The following NPR3 variants were observed in gnomAD, a reference collection of about 807,000 sequenced individuals.
NPR3 encodes the protein natriuretic peptide receptor 3.
Under a neutral mutation model 54.5 loss-of-function variants are expected in NPR3, and 34 were observed. That is an observed-to-expected ratio of 0.62 (90% CI 0.47 to 0.83). The LOEUF is 0.83. Among genes scored for constraint, NPR3 ranks in the 40% least tolerant of loss-of-function variants. The pLI is 0.00. For synonymous variants in NPR3, 289 were observed against 297.1 expected (o/e 0.97, Z 0.28); for missense variants, 674 against 720.8 (o/e 0.94, Z 0.74).
intron 1 of NPR3, among the ~76,000 whole-genome samples, chr5:32,723,214 T>C (rs752381848): frequency 2.0e-5 from 3 of 152,204 alleles, no homozygotes; most frequent in Non-Finnish European, 4.4e-5. Flanking sequence ...CAGGTCTCTC[T>C]GCACAGTATG....
chr5:32,745,598 T>C (rs1168805342), intron 3 of NPR3, among the ~76,000 whole-genome samples: 1 of 152,196 alleles, frequency 6.6e-6, no homozygotes, highest in Non-Finnish European at 1.5e-5. Flanking sequence ...ATGTACCCCA[T>C]AAGGGGGCAA....
At chr5:32,731,520 A>G (rs1011844674) in intron 2 of NPR3, among the ~76,000 whole-genome samples, 3 of 152,240 alleles carry the variant, frequency 2.0e-5, no homozygotes, top group Non-Finnish European at 4.4e-5. Context: ...AGACTCAGTA[A>G]TAAATGAGGT....
rs1009966137 is a variant in NPR3 at position 32,788,532 on chromosome 5, C to T, written c.*2187C>T. On this transcript the variant is annotated 3_prime_UTR_variant, in exon 8 of 8. Transcript: ENST00000265074. ...ATCTTGTGCTTGTAAAAAGCATTTA[C>T]ATTTCAAGTCTATGTGCTTATTACA... 6.6e-6 allele frequency: 1 copy of T among 152,190 alleles called. No individual in the cohort carries two copies. The highest frequency in any genetic ancestry group is 2.4e-5 in the African/African-American group (1 of 41,460). The allele number at this position is 152,190 out of a possible 1,614,324, so 9.4% of individuals were successfully genotyped here.
intron 3 of NPR3, among the ~76,000 whole-genome samples, chr5:32,756,051 T>C (rs1442083792): frequency 2.6e-5 from 4 of 152,238 alleles, no homozygotes. Context: ...TGAATAGTGC[T>C]GCAATAAACA....
At chr5:32,697,213 CT>C (rs1370673060) in intron 1 of NPR3, among the ~76,000 whole-genome samples, 1 of 152,052 alleles carries the variant, frequency 6.6e-6, no homozygotes, top group East Asian at 1.9e-4. Flanking sequence ...ATATTCAATG[CT>C]TTTTCAGCAT....
chr5:32,761,827 T>A (rs1741180771), intron 3 of NPR3, among the ~76,000 whole-genome samples: 1 of 152,068 alleles, frequency 6.6e-6, no homozygotes, highest in African/African-American at 2.4e-5. Flanking sequence ...AGTTCTGGGA[T>A]ACATATGCAG....
chr5:32,767,021 G>A (rs937962382), intron 3 of NPR3, among the ~76,000 whole-genome samples: 5 of 152,132 alleles, frequency 3.3e-5, no homozygotes, highest in African/African-American at 1.2e-4. Context: ...TGCAGTTTCT[G>A]TTCCTCCCTC....
Position 32,780,719 on chromosome 5 carries a change from TA to T in NPR3, c.1196-2del. On this transcript the variant is annotated splice_acceptor_variant, in intron 4 of 7. Transcript: ENST00000265074. LOFTEE classifies it high-confidence loss of function. ...GTTGAGTTCTTCGCTTCTGGTCCTG[TA>T]GGTATCGCCGGGCAGGTGTCCATAG... is the stretch of plus-strand genomic sequence containing the variant. 1.4e-6 allele frequency: 2 copies of T among 1,404,796 alleles called. No individual in the cohort carries two copies. The highest frequency in any genetic ancestry group is 2.0e-6 in the Non-Finnish European group (2 of 989,146). The allele number at this position is 1,404,796 out of a possible 1,614,324, so 87.0% of individuals were successfully genotyped here. A position where few individuals can be genotyped will look rare whatever the true frequency, so the allele number is the denominator to read the frequency against.
Position 32,711,754 on chromosome 5 carries a change from G to A in NPR3, c.-23G>A. The A allele has an allele frequency of 7.1e-7, 1 of 1,415,548 alleles. No individual in the cohort carries two copies. The highest frequency in any genetic ancestry group is 9.2e-7 in the Non-Finnish European group (1 of 1,085,270). 87.7% of individuals were successfully genotyped at this position (1,415,548 alleles called of 1,614,324 possible). A position where few individuals can be genotyped will look rare whatever the true frequency, so the allele number is the denominator to read the frequency against. On this transcript the variant is annotated 5_prime_UTR_variant, in exon 1 of 8. Coordinates refer to ENST00000265074, the MANE Select transcript of NPR3 (RefSeq NM_001204375.2). ...CAGAGGGCGAGTCGGCGGCGGCGAG[G>A]GCAAGCTCTTTCTTGCGGCACGATG...
chr5:32,724,607 C>T (rs947615116), intron 1 of NPR3, 91 bp from the exon 2 acceptor site: 58 of 1,458,702 alleles, frequency 4.0e-5, no homozygotes, highest in East Asian at 9.1e-5. Context: ...ATAAGTATCC[C>T]GTTCCTTGTC....
chr5:32,740,291 T>C (rs1314214394), intron 3 of NPR3, among the ~76,000 whole-genome samples: 2 of 152,216 alleles, frequency 1.3e-5, no homozygotes, highest in African/African-American at 4.8e-5. Flanking sequence ...TTTTTCCTGT[T>C]GGGAGGATTT....
In NPR3 at chr5:32,774,821, G is replaced by A; in HGVS notation, c.1173G>A (p.Gln391=). Residue 391 remains glutamine (Q), a synonymous_variant, in exon 4 of 8, where the codon CAG becomes CAA. Coordinates refer to ENST00000265074, the MANE Select transcript of NPR3 (RefSeq NM_001204375.2). ...AGGATGGAGGGAAAATTATACAGCA[G>A]ACTTGGAACAGAACATTTGAAGGTG... is the stretch of plus-strand genomic sequence containing the variant. The part of the protein sequence containing the change: ...SKKDGGKIIQ[Q]TWNRTFEGIA... 1 of 1,611,706 alleles carries A rather than the reference G, an allele frequency of 6.2e-7. No homozygotes were observed. The highest frequency in any genetic ancestry group is 8.5e-7 in the Non-Finnish European group (1 of 1,177,812).
chr5:32,755,895 T>C (rs1359817115), intron 3 of NPR3, among the ~76,000 whole-genome samples: 2 of 152,226 alleles, frequency 1.3e-5, no homozygotes, highest in East Asian at 1.9e-4. Context: ...AGAATGATGG[T>C]TTCCAACTTC....
chr5:32,695,332 T>G (rs559908573), intron 1 of NPR3, among the ~76,000 whole-genome samples: 1 of 152,320 alleles, frequency 6.6e-6, no homozygotes, highest in Non-Finnish European at 1.5e-5. Flanking sequence ...TGGCACGATC[T>G]CGGCACACTG....
chr5:32,713,363 C>A, intron 1 of NPR3: 1 of 985,436 alleles, frequency 1.0e-6, no homozygotes, highest in South Asian at 4.7e-5. Context: ...GAGCTCGAGG[C>A]TGAGGATGGT....
intron 3 of NPR3, among the ~76,000 whole-genome samples, chr5:32,747,878 C>T (rs1478241507): frequency 6.6e-6 from 1 of 151,924 alleles, no homozygotes; most frequent in Non-Finnish European, 1.5e-5. Context: ...ACCTCAACCT[C>T]CTGTGTAGCT....
In NPR3 at chr5:32,742,047, G is replaced by A. The variant is rs185310744; in HGVS notation, c.1059+3017G>A. Among the ~76,000 whole-genome samples, 644 of 151,812 alleles carry A rather than the reference G, an allele frequency of 4.2e-3. 7 individuals are homozygous for A. Among genetic ancestry groups the A allele is most frequent in the African/African-American group, 0.014 (590 of 41,396 alleles). On this transcript the variant is annotated intron_variant, in intron 3 of 7. Transcript: ENST00000265074. Reference sequence around the variant, plus strand: ...ACTAGTCTTTGATCTAGTGTGGTGCGGGAGCCTGTAGGAGTCTGGGGTCTT... The same window carrying A: ...ACTAGTCTTTGATCTAGTGTGGTGCAGGAGCCTGTAGGAGTCTGGGGTCTT...
intron 3 of NPR3, among the ~76,000 whole-genome samples, chr5:32,751,218 A>G (rs1278035977): frequency 6.6e-6 from 1 of 152,226 alleles, no homozygotes; most frequent in Non-Finnish European, 1.5e-5. Flanking sequence ...AGCATAATGT[A>G]GCAATTTTAT....
chr5:32,735,533 AC>A (rs1739688221), intron 2 of NPR3, among the ~76,000 whole-genome samples: 1 of 151,840 alleles, frequency 6.6e-6, no homozygotes, highest in Non-Finnish European at 1.5e-5. Context: ...CATCCCAAGA[AC>A]CATTTTTAGC....
Sources: allele counts gnomAD v4.1 joint callset (sites outside exome capture counted in the v4.1 genomes callset), GRCh38; gene constraint gnomAD v4.1.1; transcripts MANE v1.5; gene names NCBI Gene and HGNC (gene_info 2026-07-23, HGNC 2026-07-21).